Variants in GLT1D1 observed in about 807,000 individuals in gnomAD.
GLT1D1 encodes glycosyltransferase 1 domain-containing protein 1.
Under a neutral mutation model 28.7 loss-of-function variants are expected in GLT1D1, and 21 were observed. That is an observed-to-expected ratio of 0.73 (90% CI 0.52 to 1.05). The LOEUF (loss-of-function observed/expected upper bound fraction) is 1.05. GLT1D1 is among the 50% of genes least tolerant of loss of function. The pLI, the probability that GLT1D1 is intolerant of heterozygous loss-of-function variation, is 0.00. For synonymous variants in GLT1D1, 147 were observed against 124.8 expected (o/e 1.18, Z -1.19); for missense variants, 343 against 330.6 (o/e 1.04, Z -0.29).
intron 6 of GLT1D1, among the ~76,000 whole-genome samples, chr12:128,953,281 A>T (rs1876917091): frequency 6.6e-6 from 1 of 152,060 alleles, no homozygotes; most frequent in Non-Finnish European, 1.5e-5. Flanking sequence ...CATTCTGTAG[A>T]TTGTCTTTTC....
At chr12:128,975,024 G>C (rs949902779) in intron 7 of GLT1D1, among the ~76,000 whole-genome samples, 4 of 145,922 alleles carry the variant, frequency 2.7e-5, no homozygotes, top group African/African-American at 9.7e-5. Context: ...GCTTTCCTTT[G>C]TTTAGTGCCC....
intron 4 of GLT1D1, among the ~76,000 whole-genome samples, chr12:128,923,043 G>C (rs902122286): frequency 1.3e-5 from 2 of 152,034 alleles, no homozygotes; most frequent in African/African-American, 2.4e-5. Context: ...ATTTTCCAAG[G>C]CTTTTCTAAG....
chr12:128,865,865 A>C lies in GLT1D1; in HGVS notation c.69-10049A>C, dbSNP rs866995291. On this transcript the variant is annotated intron_variant, in intron 1 of 7. Coordinates refer to ENST00000281703, the MANE Select transcript of GLT1D1 (RefSeq NM_144669.3). ...AACAAAAAAACCCAAAAAACCAAAA[A>C]CCCCCCCAAAACCCCAAACAATACA... 1.5e-4 allele frequency among the ~76,000 whole-genome samples: 22 copies of C among 151,022 alleles called. 1 individual carries two copies. The highest frequency in any genetic ancestry group is 8.4e-4 in the South Asian group (4 of 4,772).
chr12:128,896,375 GT>G (rs1185403664), intron 3 of GLT1D1, among the ~76,000 whole-genome samples: 2 of 151,924 alleles, frequency 1.3e-5, no homozygotes, highest in Admixed American at 1.3e-4. Flanking sequence ...AAAAATGGCT[GT>G]CCCAATGCAA....
chr12:128,936,668 C>T (rs571017451), intron 4 of GLT1D1, among the ~76,000 whole-genome samples: 5 of 152,220 alleles, frequency 3.3e-5, no homozygotes, highest in East Asian at 3.9e-4. Flanking sequence ...GGGGTATGCA[C>T]ATTTGGTTTG....
In GLT1D1 at chr12:128,983,188, T is replaced by C. The variant is rs2135564923; in HGVS notation, c.*98T>C. On this transcript the variant is annotated 3_prime_UTR_variant, in exon 8 of 8. Transcript: ENST00000281703. The surrounding 1 kb of genome is among the most constrained non-coding windows in gnomAD (Gnocchi z 4.7). Reference sequence around the variant, plus strand: ...TCACGTGGGCCCAGTGCAGTTCAAATAAAACCAGCCTCAGCGGAATCCTAG... The same window carrying C: ...TCACGTGGGCCCAGTGCAGTTCAAACAAAACCAGCCTCAGCGGAATCCTAG... 1 of 1,086,922 alleles carries C rather than the reference T, an allele frequency of 9.2e-7. No homozygotes were observed. The highest frequency in any genetic ancestry group is 1.4e-6 in the Non-Finnish European group (1 of 740,036). 67.3% of individuals were successfully genotyped at this position (1,086,922 alleles called of 1,614,324 possible). A position where few individuals can be genotyped will look rare whatever the true frequency, so the allele number is the denominator to read the frequency against.
At position 128,915,154 on chromosome 12, in the gene GLT1D1, C is replaced by T. The variant is rs369017605; in HGVS notation, c.375+15867C>T. On this transcript the variant is annotated intron_variant, in intron 4 of 7. Coordinates refer to ENST00000281703, the MANE Select transcript of GLT1D1 (RefSeq NM_144669.3). ...TGAGTAGTTTTATCCTTTTGAGGAA[C>T]AGCAGGGCTAGAAAGCCAGAGAGAC... 5.4e-3 allele frequency among the ~76,000 whole-genome samples: 816 copies of T among 152,278 alleles called. 5 individuals are homozygous for T. The highest frequency in any genetic ancestry group is 0.019 in the African/African-American group (773 of 41,560).
chr12:128,913,378 G>A (rs570342908), intron 4 of GLT1D1, among the ~76,000 whole-genome samples: 12 of 152,082 alleles, frequency 7.9e-5, no homozygotes, highest in Non-Finnish European at 1.3e-4. Flanking sequence ...CCCCCACCAC[G>A]CCCAGCTAAT....
At chr12:128,962,182 G>A (rs546866510) in intron 7 of GLT1D1, among the ~76,000 whole-genome samples, 5 of 152,372 alleles carry the variant, frequency 3.3e-5, no homozygotes, top group African/African-American at 4.8e-5. Flanking sequence ...CCCCGTGTGC[G>A]TGCTCCAGTG....
chr12:128,900,914 G>C (rs2135856514), intron 4 of GLT1D1, among the ~76,000 whole-genome samples: 1 of 152,222 alleles, frequency 6.6e-6, no homozygotes, highest in South Asian at 2.1e-4. Flanking sequence ...GGGGCTACAG[G>C]TGTGAGCCAC....
At chr12:128,949,046 T>C (rs974801556) in intron 6 of GLT1D1, among the ~76,000 whole-genome samples, 1 of 152,200 alleles carries the variant, frequency 6.6e-6, no homozygotes, top group Non-Finnish European at 1.5e-5. Flanking sequence ...CCATTGTCCT[T>C]TCAAATTACC....
At chr12:128,894,559 G>C (rs1389994277) in intron 3 of GLT1D1, among the ~76,000 whole-genome samples, 1 of 151,848 alleles carries the variant, frequency 6.6e-6, no homozygotes, top group Non-Finnish European at 1.5e-5. Context: ...ATGGACTCGT[G>C]GGGGCCGGGC....
chr12:128,860,230 G>A (rs1388817877), intron 1 of GLT1D1, among the ~76,000 whole-genome samples: 1 of 152,246 alleles, frequency 6.6e-6, no homozygotes, highest in East Asian at 1.9e-4. Context: ...GGAGGCCGAG[G>A]CGGGCAGATC....
At position 128,888,549 on chromosome 12, in the gene GLT1D1, A is replaced by G. The variant is rs776928135; in HGVS notation, c.218-90A>G. 1.4e-4 allele frequency: 113 copies of G among 781,982 alleles called. 2 individuals carry two copies. Among genetic ancestry groups the G allele is most frequent in the Middle Eastern group, 1.2e-3 (5 of 4,280 alleles). The allele number at this position is 781,982 out of a possible 1,614,324, so 48.4% of individuals were successfully genotyped here. A position where few individuals can be genotyped will look rare whatever the true frequency, so the allele number is the denominator to read the frequency against. ...AACAAACAGCTCCGGCGATCTGGGA[A>G]CTTCAGTGTTTAAGATCCTTGCTTG... On this transcript the variant is annotated intron_variant, in intron 2 of 7. Coordinates refer to ENST00000281703, the MANE Select transcript of GLT1D1 (RefSeq NM_144669.3).
chr12:128,930,130 T>C (rs1873707887), intron 4 of GLT1D1: 1 of 152,252 alleles, frequency 6.6e-6, no homozygotes, highest in Non-Finnish European at 1.5e-5. Context: ...AGCATTGTAG[T>C]AGTAACAAGA....
chr12:128,892,004 C>A (rs1436520587), intron 3 of GLT1D1, among the ~76,000 whole-genome samples: 1 of 152,066 alleles, frequency 6.6e-6, no homozygotes, highest in Non-Finnish European at 1.5e-5. Context: ...TCTGGAAAGG[C>A]GGGACAACTG....
intron 7 of GLT1D1, among the ~76,000 whole-genome samples, chr12:128,982,723 C>T (rs11060052): frequency 0.13 from 18,929 of 150,980 alleles, 1,360 homozygotes; most frequent in Non-Finnish European, 0.17. Flanking sequence ...TGTATGTGTG[C>T]GTGTGTGTGT....
intron 6 of GLT1D1, among the ~76,000 whole-genome samples, chr12:128,955,861 G>C (rs1011699426): frequency 6.6e-6 from 1 of 151,820 alleles, no homozygotes; most frequent in African/African-American, 2.4e-5. Flanking sequence ...TGATTGATAA[G>C]TCATCTGTGG....
At chr12:128,932,602 T>C (rs1174578422) in intron 4 of GLT1D1, among the ~76,000 whole-genome samples, 1 of 152,210 alleles carries the variant, frequency 6.6e-6, no homozygotes, top group African/African-American at 2.4e-5. Flanking sequence ...CCTTTGGTTA[T>C]GGATTTGTTG....
Sources: allele counts gnomAD v4.1 joint callset (sites outside exome capture counted in the v4.1 genomes callset), GRCh38; gene constraint gnomAD v4.1.1; non-coding constraint Gnocchi (gnomAD v3.1); transcripts MANE v1.5; gene names NCBI Gene and HGNC (gene_info 2026-07-23, HGNC 2026-07-21).